The following NDFIP2 variants were observed in gnomAD, a reference collection of about 807,000 sequenced individuals.
The protein encoded by NDFIP2 is Nedd4 family interacting protein 2.
NDFIP2 carries 19 observed loss-of-function variants against 36.0 expected under a neutral mutation model. That is an observed-to-expected ratio of 0.53 (90% CI 0.37 to 0.77). The LOEUF (loss-of-function observed/expected upper bound fraction) is 0.77. Among genes scored for constraint, NDFIP2 ranks in the 30% least tolerant of loss-of-function variants. NDFIP2 has a pLI of 0.00. For missense variants in NDFIP2, 446 were observed against 435.8 expected (o/e 1.02, Z -0.21); for synonymous variants, 181 against 167.7 (o/e 1.08, Z -0.61).
At chr13:79,533,201 C>A in intron 2 of NDFIP2, 122 bp from the exon 3 acceptor site, 1 of 666,840 alleles carries the variant, frequency 1.5e-6, no homozygotes, top group Non-Finnish European at 2.4e-6. Context: ...TAGCTTATAA[C>A]ATAGGCCTAT....
At chr13:79,530,582 T>C (rs528381057) in intron 2 of NDFIP2, among the ~76,000 whole-genome samples, 5 of 152,364 alleles carry the variant, frequency 3.3e-5, no homozygotes, top group Non-Finnish European at 5.9e-5. Context: ...TCCCTGCCAC[T>C]GCTTTGTCAG....
At chr13:79,535,521 G>C (rs1296855515) in intron 3 of NDFIP2, among the ~76,000 whole-genome samples, 1 of 152,140 alleles carries the variant, frequency 6.6e-6, no homozygotes, top group African/African-American at 2.4e-5. Flanking sequence ...GTTTTTACCT[G>C]CTTCTGATAT....
rs1205856205 is a variant in NDFIP2 at position 79,481,235 on chromosome 13, C to A, written c.32C>A (p.Ala11Glu). 2 of 1,523,430 alleles carry A rather than the reference C, an allele frequency of 1.3e-6. No individual in the cohort carries two copies. Among genetic ancestry groups the A allele is most frequent in the Admixed American group, 2.0e-5 (1 of 49,544 alleles). The allele number at this position is 1,523,430 out of a possible 1,614,324, so 94.4% of individuals were successfully genotyped here. A position where few individuals can be genotyped will look rare whatever the true frequency, so the allele number is the denominator to read the frequency against. MARRRSQRVC[A>E]SGPSMLNSAR... ...CGCCGGCGGAGCCAGCGAGTCTGCGCGAGCGGTCCGAGCATGCTCAATAGC... is the reference window on the plus strand; with the variant it reads ...CGCCGGCGGAGCCAGCGAGTCTGCGAGAGCGGTCCGAGCATGCTCAATAGC... The change falls in exon 1 of 8, where the codon GCG becomes GAG. Residue 11 changes from alanine (A) to glutamate (E), a missense_variant. Transcript: ENST00000218652.
At chr13:79,506,217 C>T (rs1284291227) in intron 1 of NDFIP2, among the ~76,000 whole-genome samples, 1 of 152,110 alleles carries the variant, frequency 6.6e-6, no homozygotes, top group Non-Finnish European at 1.5e-5. Context: ...GAAAATACAA[C>T]TTGTAAGCAA....
intron 1 of NDFIP2, among the ~76,000 whole-genome samples, chr13:79,495,789 T>G (rs1319083087): frequency 6.6e-6 from 1 of 151,950 alleles, no homozygotes; most frequent in Non-Finnish European, 1.5e-5. Context: ...CTATCTTCTT[T>G]TGGATCATTT....
intron 3 of NDFIP2, among the ~76,000 whole-genome samples, chr13:79,534,297 A>G (rs763321549): frequency 6.6e-6 from 1 of 151,130 alleles, no homozygotes; most frequent in Non-Finnish European, 1.5e-5. Flanking sequence ...AACTCAAGGT[A>G]GCCAAAAAAC....
At chr13:79,508,272 G>A (rs1026887581) in intron 1 of NDFIP2, among the ~76,000 whole-genome samples, 2 of 152,174 alleles carry the variant, frequency 1.3e-5, no homozygotes, top group African/African-American at 4.8e-5. Flanking sequence ...AAGTAGAACT[G>A]TTGGGTCCTG....
intron 1 of NDFIP2, among the ~76,000 whole-genome samples, chr13:79,482,619 A>G (rs1488044345): frequency 2.6e-5 from 2 of 77,276 alleles, no homozygotes; most frequent in Non-Finnish European, 4.4e-5. Flanking sequence ...ATCTATTTGC[A>G]CATGTAAGAC....
intron 1 of NDFIP2, among the ~76,000 whole-genome samples, chr13:79,507,763 A>G (rs1376088479): frequency 6.7e-6 from 1 of 148,648 alleles, no homozygotes; most frequent in Admixed American, 6.6e-5. Context: ...AAAGTAAAAG[A>G]TAGTTCTATA....
At chr13:79,541,544 C>T (rs1875456299) in intron 4 of NDFIP2, among the ~76,000 whole-genome samples, 1 of 151,096 alleles carries the variant, frequency 6.6e-6, no homozygotes. Flanking sequence ...ATATTTTTAC[C>T]TGTATTTCCT....
intron 1 of NDFIP2, among the ~76,000 whole-genome samples, chr13:79,487,983 G>A (rs964158269): frequency 6.6e-6 from 1 of 152,116 alleles, no homozygotes; most frequent in African/African-American, 2.4e-5. Flanking sequence ...TCTGTCATCA[G>A]CATCAAGGCA....
chr13:79,519,893 C>T (rs1194865921), intron 1 of NDFIP2, among the ~76,000 whole-genome samples: 5 of 152,122 alleles, frequency 3.3e-5, no homozygotes, highest in South Asian at 2.1e-4. Context: ...CTCTGCCTCC[C>T]GGGTTCAAGC....
At position 79,501,207 on chromosome 13, in the gene NDFIP2, G is replaced by A. The variant is rs571292720; in HGVS notation, c.322-19603G>A. Among the ~76,000 whole-genome samples, 3 of 152,180 alleles carry A rather than the reference G, an allele frequency of 2.0e-5. No individual in the cohort carries two copies. The South Asian group carries it at 6.2e-4, about 32-fold the overall frequency. ...TGGAGCACAGAGGATTTTTAGGACA[G>A]TGAAAGTACTCTGTATGATACTGTA... On this transcript the variant is annotated intron_variant, in intron 1 of 7. Transcript: ENST00000218652.
intron 1 of NDFIP2, among the ~76,000 whole-genome samples, chr13:79,507,655 T>G (rs1189619014): frequency 6.6e-6 from 1 of 151,980 alleles, no homozygotes; most frequent in African/African-American, 2.4e-5. Context: ...GTATTCTGTC[T>G]TCTTTCATGT....
intron 1 of NDFIP2, among the ~76,000 whole-genome samples, chr13:79,506,028 T>A (rs958019913): frequency 1.3e-5 from 2 of 152,192 alleles, no homozygotes; most frequent in Admixed American, 1.3e-4. Flanking sequence ...TTTATCATCA[T>A]GGAGAAATCT....
Position 79,546,034 on chromosome 13 carries a change from A to C in NDFIP2, c.841-2294A>C, listed in dbSNP as rs1388110276. Among the ~76,000 whole-genome samples the C allele has an allele frequency of 3.3e-5, 5 of 152,212 alleles. 1 individual carries two copies. Among genetic ancestry groups the C allele is most frequent in the Admixed American group, 3.3e-4 (5 of 15,282 alleles). On this transcript the variant is annotated intron_variant, in intron 5 of 7. Transcript: ENST00000218652. ...TGAGCCACCGCGCCAGGCCAGTCTC[A>C]CAGTTTTTAATGTGAATTGACATCT...
intron 1 of NDFIP2, among the ~76,000 whole-genome samples, chr13:79,484,969 T>G (rs1221303552): frequency 6.6e-6 from 1 of 152,216 alleles, no homozygotes; most frequent in African/African-American, 2.4e-5. Flanking sequence ...ATAAGTACCC[T>G]TTTTACAAGC....
Position 79,543,539 on chromosome 13 carries a change from C to T in NDFIP2, c.716-19C>T, listed in dbSNP as rs369034894. 2.9e-5 allele frequency: 46 copies of T among 1,611,844 alleles called. No homozygotes were observed. Among genetic ancestry groups the T allele is most frequent in the South Asian group, 5.5e-5 (5 of 90,628 alleles). ...TTCCAAATTGTGGTTTATAAAAGAA[C>T]GGTTTCTGTTGCTTTTAGTGGCATT... is the stretch of plus-strand genomic sequence containing the variant. On this transcript the variant is annotated intron_variant, in intron 4 of 7. Coordinates refer to ENST00000218652, the MANE Select transcript of NDFIP2 (RefSeq NM_019080.3).
intron 1 of NDFIP2, among the ~76,000 whole-genome samples, chr13:79,505,797 A>G (rs1873842034): frequency 1.3e-5 from 2 of 152,272 alleles, no homozygotes; most frequent in East Asian, 1.9e-4. Flanking sequence ...GGAAAGAGAA[A>G]AAAAAAAGCC....
Sources: gnomAD v4.1 joint callset for allele counts (sites outside exome capture counted in the v4.1 genomes callset) on GRCh38, gnomAD v4.1.1 for gene constraint, MANE v1.5 for transcripts, NCBI Gene and HGNC (gene_info 2026-07-23, HGNC 2026-07-21) for gene names.